Variants in SCHIP1 observed in about 807,000 individuals in gnomAD.
The protein encoded by SCHIP1 is schwannomin interacting protein 1.
A neutral mutation model predicts 29.7 loss-of-function variants in SCHIP1; 8 were observed. The observed-to-expected ratio is 0.27, with a 90% CI of 0.16 to 0.49. The LOEUF (loss-of-function observed/expected upper bound fraction) is 0.49. SCHIP1 is among the 20% of genes least tolerant of loss of function. The pLI, the probability that SCHIP1 is intolerant of heterozygous loss-of-function variation, is 0.99. For missense variants in SCHIP1, 193 were observed against 294.6 expected (o/e 0.66, Z 2.52); for synonymous variants, 76 against 94.9 (o/e 0.80, Z 1.16).
the SCHIP1 span, among the ~76,000 whole-genome samples, chr3:159,653,927 G>A: frequency 2.0e-5 from 3 of 152,106 alleles, no homozygotes; most frequent in East Asian, 5.8e-4. Context: ...TTATATGACT[G>A]TATTAAATTA....
the SCHIP1 span, among the ~76,000 whole-genome samples, chr3:159,325,379 C>T: frequency 1.3e-5 from 2 of 152,092 alleles, no homozygotes; most frequent in Admixed American, 1.3e-4. Flanking sequence ...TGTAAGTTTA[C>T]ACCACAATCT....
At chr3:159,556,163 A>T in the SCHIP1 span, among the ~76,000 whole-genome samples, 1 of 152,194 alleles carries the variant, frequency 6.6e-6, no homozygotes, top group Non-Finnish European at 1.5e-5. Flanking sequence ...AAACACATGA[A>T]AAAATGCTCA....
At chr3:159,340,842 A>C in the SCHIP1 span, among the ~76,000 whole-genome samples, 1 of 152,152 alleles carries the variant, frequency 6.6e-6, no homozygotes, top group African/African-American at 2.4e-5. Flanking sequence ...AGAAAATAAA[A>C]TTTCTTCCAA....
At chr3:159,812,541 T>G in the SCHIP1 span, among the ~76,000 whole-genome samples, 1 of 152,198 alleles carries the variant, frequency 6.6e-6, no homozygotes, top group Non-Finnish European at 1.5e-5. Flanking sequence ...GCATATCCAG[T>G]CCAAATGAAC....
the SCHIP1 span, among the ~76,000 whole-genome samples, chr3:159,331,683 T>C: frequency 6.6e-6 from 1 of 152,276 alleles, no homozygotes; most frequent in South Asian, 2.1e-4. Flanking sequence ...CTCTGTTCAC[T>C]TTTTTCTCTC....
At chr3:159,598,311 C>T in the SCHIP1 span, among the ~76,000 whole-genome samples, 1 of 152,194 alleles carries the variant, frequency 6.6e-6, no homozygotes, top group African/African-American at 2.4e-5. Flanking sequence ...TCCAAAGTCT[C>T]ATCTGAGGCA....
chr3:159,681,805 G>T, the SCHIP1 span, among the ~76,000 whole-genome samples: 162 of 147,938 alleles, frequency 1.1e-3, no homozygotes, highest in Middle Eastern at 3.5e-3. Context: ...GTTAACTTGG[G>T]TTAACTCAAC....
At chr3:159,600,728 T>C in the SCHIP1 span, among the ~76,000 whole-genome samples, 3 of 152,206 alleles carry the variant, frequency 2.0e-5, no homozygotes, top group African/African-American at 7.2e-5. Context: ...GAAGGTGTCA[T>C]ATTTCCTTGC....
chr3:159,713,185 G>GGAAAGAAAGAGAAA, the SCHIP1 span, among the ~76,000 whole-genome samples: 2 of 90,828 alleles, frequency 2.2e-5, no homozygotes, highest in African/African-American at 4.3e-5. Context: ...GAAAGAAAAA[G>GGAAAGAAAGAGAAA]GAAAGAAAGA....
At chr3:159,343,057 C>T in the SCHIP1 span, among the ~76,000 whole-genome samples, 4 of 152,088 alleles carry the variant, frequency 2.6e-5, no homozygotes, top group Admixed American at 6.5e-5. Flanking sequence ...ACCGCTGTGC[C>T]AGGCCCTTTA....
chr3:159,526,417 C>T, the SCHIP1 span, among the ~76,000 whole-genome samples: 1 of 152,146 alleles, frequency 6.6e-6, no homozygotes, highest in Non-Finnish European at 1.5e-5. Flanking sequence ...GATCCTCCCA[C>T]CTCAGCCTCC....
the SCHIP1 span, chr3:159,309,313 A>G: frequency 1.3e-5 from 2 of 159,694 alleles, no homozygotes; most frequent in Admixed American, 1.3e-4. Flanking sequence ...AATTAAATTT[A>G]TCTCTTATTT....
the SCHIP1 span, among the ~76,000 whole-genome samples, chr3:159,467,072 TA>T: frequency 6.6e-6 from 1 of 152,072 alleles, no homozygotes; most frequent in Non-Finnish European, 1.5e-5. Context: ...TGAAGGTCCT[TA>T]AAAGCCGTTC....
the SCHIP1 span, chr3:159,765,247 C>G: frequency 7.7e-7 from 1 of 1,302,596 alleles, no homozygotes; most frequent in Non-Finnish European, 1.0e-6. Context: ...CCCATTCATT[C>G]TTCCTCGAGG....
chr3:159,779,635 G>T, the SCHIP1 span, among the ~76,000 whole-genome samples: 4 of 151,600 alleles, frequency 2.6e-5, no homozygotes, highest in Non-Finnish European at 4.4e-5. Flanking sequence ...ATCGCACCAT[G>T]GCACTGCAGT....
chr3:159,461,027 G>A, the SCHIP1 span, among the ~76,000 whole-genome samples: 1 of 152,050 alleles, frequency 6.6e-6, no homozygotes, highest in Non-Finnish European at 1.5e-5. Context: ...GAACTTGAGG[G>A]CTATGTAGCA....
chr3:159,589,956 C>G, the SCHIP1 span, among the ~76,000 whole-genome samples: 2 of 152,062 alleles, frequency 1.3e-5, no homozygotes, highest in South Asian at 4.2e-4. Flanking sequence ...AGTAGGGTGG[C>G]TAGATAAAAT....
chr3:159,397,593 A>G, the SCHIP1 span, among the ~76,000 whole-genome samples: 2 of 152,124 alleles, frequency 1.3e-5, no homozygotes, highest in Non-Finnish European at 2.9e-5. Context: ...TGAGGTGTCA[A>G]TCTTCCCCTG....
At chr3:159,587,618 C>A in the SCHIP1 span, among the ~76,000 whole-genome samples, 1 of 152,148 alleles carries the variant, frequency 6.6e-6, no homozygotes, top group Admixed American at 6.6e-5. Flanking sequence ...ATCCCTCCCC[C>A]CTTTCCCCAC....
Sources: gnomAD v4.1 joint callset for allele counts (sites outside exome capture counted in the v4.1 genomes callset) on GRCh38, gnomAD v4.1.1 for gene constraint, MANE v1.5 for transcripts, NCBI Gene and HGNC (gene_info 2026-07-23, HGNC 2026-07-21) for gene names.